SMYD3: variants seen among roughly 807,000 people sequenced by gnomAD.
SMYD3 encodes the protein histone-lysine N-methyltransferase SMYD3.
Under a neutral mutation model 57.7 loss-of-function variants are expected in SMYD3, and 36 were observed. That is an observed-to-expected ratio of 0.62 (90% CI 0.48 to 0.82). The LOEUF (loss-of-function observed/expected upper bound fraction) is 0.82, where lower values mean the gene tolerates loss of function less well. Among genes scored for constraint, SMYD3 ranks in the 40% least tolerant of loss-of-function variants. SMYD3 has a pLI of 0.00. For synonymous variants in SMYD3, 211 were observed against 195.0 expected (o/e 1.08, Z -0.68); for missense variants, 515 against 538.8 (o/e 0.96, Z 0.44).
intron 5 of SMYD3, among the ~76,000 whole-genome samples, chr1:245,969,208 C>T (rs2058232902): frequency 6.6e-6 from 1 of 152,208 alleles, no homozygotes; most frequent in Non-Finnish European, 1.5e-5. Context: ...TGAAAATCAA[C>T]ACGGGTTTGC....
intron 7 of SMYD3, among the ~76,000 whole-genome samples, chr1:245,923,459 C>T (rs1458269998): frequency 6.6e-6 from 1 of 152,120 alleles, no homozygotes; most frequent in East Asian, 1.9e-4. Context: ...GATAAGGCTC[C>T]CATGGGGTTT....
chr1:246,041,175 A>G (rs1412211677), intron 5 of SMYD3, among the ~76,000 whole-genome samples: 1 of 152,200 alleles, frequency 6.6e-6, no homozygotes, highest in Non-Finnish European at 1.5e-5. Flanking sequence ...CCAGGTGTAT[A>G]GTGGGCTATA....
chr1:245,972,344 C>T (rs2058322009), intron 5 of SMYD3, among the ~76,000 whole-genome samples: 1 of 152,086 alleles, frequency 6.6e-6, no homozygotes, highest in African/African-American at 2.4e-5. Context: ...TCTATGACAA[C>T]AACACAGTGT....
At chr1:246,031,440 T>A in intron 5 of SMYD3, among the ~76,000 whole-genome samples, 1 of 152,054 alleles carries the variant, frequency 6.6e-6, no homozygotes, top group Non-Finnish European at 1.5e-5. Context: ...TATTTCAGAT[T>A]AAAAAGAAGT....
intron 10 of SMYD3, among the ~76,000 whole-genome samples, chr1:245,818,182 G>C (rs12069494): frequency 1.3e-5 from 2 of 152,180 alleles, no homozygotes; most frequent in Non-Finnish European, 2.9e-5. Context: ...AAGCCCATCA[G>C]ACTAACAGCG....
chr1:245,856,357 C>G (rs1343825406), intron 10 of SMYD3, among the ~76,000 whole-genome samples: 1 of 152,122 alleles, frequency 6.6e-6, no homozygotes, highest in East Asian at 1.9e-4. Context: ...GAAATACCAC[C>G]AAAAAGCAAC....
chr1:245,858,020 T>C (rs1327073479), intron 10 of SMYD3, among the ~76,000 whole-genome samples: 1 of 152,144 alleles, frequency 6.6e-6, no homozygotes, highest in Non-Finnish European at 1.5e-5. Context: ...TGAAGGCAAA[T>C]GATTCAACTG....
intron 8 of SMYD3, among the ~76,000 whole-genome samples, chr1:245,882,934 T>C (rs896277847): frequency 1.3e-5 from 2 of 152,210 alleles, no homozygotes; most frequent in Admixed American, 1.3e-4. Flanking sequence ...GGGCAAACTG[T>C]TTTCAAGAGT....
chr1:246,422,097 A>G (rs556549354), intron 1 of SMYD3, among the ~76,000 whole-genome samples: 6 of 152,306 alleles, frequency 3.9e-5, no homozygotes, highest in African/African-American at 1.4e-4. Flanking sequence ...GACATGGAAT[A>G]CCGGAGACAG....
At chr1:246,218,719 T>TACAA (rs2063206101) in intron 5 of SMYD3, among the ~76,000 whole-genome samples, 7 of 152,184 alleles carry the variant, frequency 4.6e-5, no homozygotes, top group Middle Eastern at 3.4e-3. Flanking sequence ...ATATTTAAGG[T>TACAA]ATTTTGTGTG....
chr1:246,477,781 T>C (rs2068047033), intron 1 of SMYD3, among the ~76,000 whole-genome samples: 1 of 152,252 alleles, frequency 6.6e-6, no homozygotes, highest in Non-Finnish European at 1.5e-5. Context: ...GTGAGCCATA[T>C]ACGGCCTGTG....
intron 8 of SMYD3, among the ~76,000 whole-genome samples, chr1:245,914,210 G>A (rs2055228540): frequency 6.6e-6 from 1 of 152,176 alleles, no homozygotes; most frequent in Non-Finnish European, 1.5e-5. Flanking sequence ...AAAACAGCAT[G>A]AGGGGTTCTC....
intron 5 of SMYD3, among the ~76,000 whole-genome samples, chr1:246,000,377 A>G (rs573343674): frequency 1.3e-5 from 2 of 152,284 alleles, no homozygotes; most frequent in South Asian, 4.1e-4. Flanking sequence ...AAAAAGGAAC[A>G]TGGAAGAAAA....
At chr1:246,390,332 T>C (rs2066540182) in intron 1 of SMYD3, among the ~76,000 whole-genome samples, 1 of 151,650 alleles carries the variant, frequency 6.6e-6, no homozygotes, top group African/African-American at 2.4e-5. Flanking sequence ...TTAATTTCTT[T>C]ACAAATCCTA....
intron 5 of SMYD3, among the ~76,000 whole-genome samples, chr1:246,312,945 C>T (rs765882185): frequency 3.3e-5 from 5 of 152,050 alleles, no homozygotes; most frequent in Non-Finnish European, 7.4e-5. Flanking sequence ...GACCGAGTCT[C>T]GCTCTATTAC....
In SMYD3 at chr1:245,815,406, A is replaced by C. The variant is rs550204857; in HGVS notation, c.1076+43090T>G. Among the ~76,000 whole-genome samples the C allele has an allele frequency of 3.3e-5, 5 of 152,348 alleles. No individual in the cohort carries two copies. In the East Asian group the frequency reaches 7.7e-4, roughly 24 times the overall value. ...TCCATGGTCATCTAGTCCAAGCTGT[A>C]CGCTCTAGTTTTTCTCAAAGTGGAG... On this transcript the variant is annotated intron_variant, in intron 10 of 11. Transcript: ENST00000490107.
rs565273015 is a variant in SMYD3 at position 245,808,188 on chromosome 1, A to G, written c.1077-44039T>C. ...GCAGTTGAGTTCTGGTACATTAAGC[A>G]GATAAACGCCCTTGGCTGGGGTGTT... On this transcript the variant is annotated intron_variant, in intron 10 of 11. Coordinates refer to ENST00000490107, the MANE Select transcript of SMYD3 (RefSeq NM_001167740.2). Among the ~76,000 whole-genome samples, 79 of 152,330 alleles carry G rather than the reference A, an allele frequency of 5.2e-4. 3 individuals carry two copies. The South Asian group carries it at 0.015, about 30-fold the overall frequency.
intron 5 of SMYD3, among the ~76,000 whole-genome samples, chr1:246,231,303 G>C (rs561486434): frequency 6.6e-6 from 1 of 152,212 alleles, no homozygotes; most frequent in East Asian, 1.9e-4. Context: ...TGTAATAAAC[G>C]GGTTGTCCAG....
intron 8 of SMYD3, among the ~76,000 whole-genome samples, chr1:245,880,111 T>C (rs530096578): frequency 6.6e-6 from 1 of 152,254 alleles, no homozygotes; most frequent in Admixed American, 6.5e-5. Context: ...GGTGCGTTGC[T>C]GTACACACTA....
Sources: allele counts gnomAD v4.1 joint callset (sites outside exome capture counted in the v4.1 genomes callset), GRCh38; gene constraint gnomAD v4.1.1; transcripts MANE v1.5; gene names NCBI Gene and HGNC (gene_info 2026-07-23, HGNC 2026-07-21).